The following IKZF1 variants were observed in gnomAD, a reference collection of about 807,000 sequenced individuals.
IKZF1 encodes the protein IKAROS family zinc finger 1.
Under a neutral mutation model 51.7 loss-of-function variants are expected in IKZF1, and 10 were observed. That is an observed-to-expected ratio of 0.19 (90% CI 0.12 to 0.33). The LOEUF (loss-of-function observed/expected upper bound fraction) is 0.33, where lower values mean the gene tolerates loss of function less well. IKZF1 is among the 10% of genes least tolerant of loss of function. The pLI is 1.00. For synonymous variants in IKZF1, 280 were observed against 282.3 expected (o/e 0.99, Z 0.08); for missense variants, 484 against 707.5 (o/e 0.68, Z 3.58).
chr7:50,361,557 T>G lies in IKZF1; in HGVS notation c.161-14976T>G, dbSNP rs905405731. Among the ~76,000 whole-genome samples, 7 of 152,258 alleles carry G rather than the reference T, an allele frequency of 4.6e-5. 1 individual carries two copies. In the South Asian group the frequency reaches 1.2e-3, roughly 27 times the overall value. ...CTCCAACCTCAGGATCCAGGAAGAT[T>G]GCACATGGCACCAAAACAATCATTT... On this transcript the variant is annotated intron_variant, in intron 3 of 7. Transcript: ENST00000331340.
At chr7:50,340,344 G>A (rs1437694563) in intron 3 of IKZF1, among the ~76,000 whole-genome samples, 1 of 152,252 alleles carries the variant, frequency 6.6e-6, no homozygotes, top group Non-Finnish European at 1.5e-5. Flanking sequence ...CCCCACAGGG[G>A]ATGTGGCTGC....
intron 3 of IKZF1, among the ~76,000 whole-genome samples, chr7:50,339,215 TTGTGTGTGTGTG>T (rs1158908841): frequency 2.1e-4 from 27 of 126,478 alleles, no homozygotes; most frequent in African/African-American, 5.2e-4. Context: ...TTGGGTAGGG[TTGTGTGTGTGTG>T]TGTGTGTGTG....
intron 1 of IKZF1, among the ~76,000 whole-genome samples, chr7:50,310,540 T>A (rs1430336256): frequency 6.6e-6 from 1 of 152,164 alleles, no homozygotes. Flanking sequence ...GAAGAGATCA[T>A]AGGCCACAAA....
At chr7:50,385,701 A>G (rs897933135) in intron 5 of IKZF1, among the ~76,000 whole-genome samples, 3 of 152,256 alleles carry the variant, frequency 2.0e-5, no homozygotes, top group African/African-American at 4.8e-5. Flanking sequence ...ACAGGAAGCT[A>G]TTTGATCATG....
chr7:50,357,305 C>T (rs1351779475), intron 3 of IKZF1, among the ~76,000 whole-genome samples: 1 of 152,096 alleles, frequency 6.6e-6, no homozygotes, highest in Non-Finnish European at 1.5e-5. Flanking sequence ...GCATCCTGGG[C>T]ATGACTGTCC....
chr7:50,354,473 G>GC (rs1443015155), intron 3 of IKZF1, among the ~76,000 whole-genome samples: 1 of 152,192 alleles, frequency 6.6e-6, no homozygotes, highest in Non-Finnish European at 1.5e-5. Flanking sequence ...GGCTCTGGGT[G>GC]CCCCCGTTAT....
chr7:50,357,152 T>C (rs564032519), intron 3 of IKZF1, among the ~76,000 whole-genome samples: 1 of 152,032 alleles, frequency 6.6e-6, no homozygotes, highest in South Asian at 2.1e-4. Context: ...ACCGACTCCT[T>C]CTTCTAGGCA....
chr7:50,311,167 T>A (rs1790073402), intron 1 of IKZF1, among the ~76,000 whole-genome samples: 1 of 152,212 alleles, frequency 6.6e-6, no homozygotes, highest in Non-Finnish European at 1.5e-5. Flanking sequence ...CCTACCTTAG[T>A]TTGAAGACAC....
chr7:50,365,437 C>T lies in IKZF1; in HGVS notation c.161-11096C>T, dbSNP rs539081853. Among the ~76,000 whole-genome samples, 3 of 152,262 alleles carry T rather than the reference C, an allele frequency of 2.0e-5. No individual in the cohort carries two copies. The East Asian group carries it at 5.8e-4, about 29-fold the overall frequency. On this transcript the variant is annotated intron_variant, in intron 3 of 7. Coordinates refer to ENST00000331340, the MANE Select transcript of IKZF1 (RefSeq NM_006060.6). ...AATCAACAAGTAAATTTGAATTACA[C>T]TAGGCAAAGGACTGATTCTTTTGAA...
At chr7:50,378,085 G>T (rs1810822762) in intron 4 of IKZF1, among the ~76,000 whole-genome samples, 1 of 152,164 alleles carries the variant, frequency 6.6e-6, no homozygotes, top group Non-Finnish European at 1.5e-5. Flanking sequence ...AGAAAATTTT[G>T]TGAGCCAAAA....
At chr7:50,356,230 G>A (rs1803333262) in intron 3 of IKZF1, among the ~76,000 whole-genome samples, 2 of 152,292 alleles carry the variant, frequency 1.3e-5, no homozygotes, top group African/African-American at 4.8e-5. Context: ...TTTTAACTCT[G>A]GCTTTTTAAA....
At chr7:50,391,181 G>T (rs151236047) in intron 6 of IKZF1, among the ~76,000 whole-genome samples, 6 of 152,278 alleles carry the variant, frequency 3.9e-5, no homozygotes, top group Non-Finnish European at 8.8e-5. Flanking sequence ...GCAGTCAGGG[G>T]TGCTTTGATT....
At chr7:50,316,786 C>T (rs939646299) in intron 1 of IKZF1, among the ~76,000 whole-genome samples, 5 of 152,220 alleles carry the variant, frequency 3.3e-5, no homozygotes, top group African/African-American at 1.2e-4. Flanking sequence ...AGGCTCAGCC[C>T]GCATTCCACT....
At chr7:50,371,728 C>T (rs1345193529) in intron 3 of IKZF1, among the ~76,000 whole-genome samples, 2 of 152,242 alleles carry the variant, frequency 1.3e-5, no homozygotes, top group Admixed American at 6.5e-5. Context: ...GTGCCACCAA[C>T]CTTGCTCGCA....
Position 50,401,697 on chromosome 7 carries a change from G to A in IKZF1, c.*1070G>A, listed in dbSNP as rs1345024694. ...TGTAGCCACAAGCCTGAATTTCTCA[G>A]TGTTGGTAAGTTTCTTTACCTACCC... On this transcript the variant is annotated 3_prime_UTR_variant, in exon 8 of 8. Transcript: ENST00000331340. The A allele has an allele frequency of 9.2e-6, 2 of 218,382 alleles. No individual in the cohort carries two copies. Among genetic ancestry groups the A allele is most frequent in the South Asian group, 1.8e-4 (1 of 5,406 alleles). 13.5% of individuals were successfully genotyped at this position (218,382 alleles called of 1,614,324 possible).
chr7:50,348,834 C>A (rs1489363668), intron 3 of IKZF1, among the ~76,000 whole-genome samples: 4 of 152,190 alleles, frequency 2.6e-5, no homozygotes, highest in African/African-American at 9.7e-5. Flanking sequence ...GGAGAGTTGT[C>A]CTTCAACAAA....
chr7:50,399,814 G>T lies in IKZF1; in HGVS notation c.851-104G>T, dbSNP rs1817662513. 3.4e-6 allele frequency: 5 copies of T among 1,484,356 alleles called. No individual in the cohort carries two copies. The South Asian group carries it at 6.7e-5, about 20-fold the overall frequency. 91.9% of individuals were successfully genotyped at this position (1,484,356 alleles called of 1,614,324 possible). On this transcript the variant is annotated intron_variant, in intron 7 of 7. Transcript: ENST00000331340. ...CGCAGGCGTGCTGGGCCCCCAGGCC[G>T]TGTTCCCCTTCCCCTCCCCGGTTGT...
chr7:50,383,105 C>T (rs1474335174), intron 5 of IKZF1, among the ~76,000 whole-genome samples: 4 of 152,322 alleles, frequency 2.6e-5, no homozygotes, highest in African/African-American at 7.2e-5. Flanking sequence ...TGTTAAGTCC[C>T]GCTTTGGAGT....
chr7:50,356,909 G>A (rs904665546), intron 3 of IKZF1, among the ~76,000 whole-genome samples: 2 of 151,848 alleles, frequency 1.3e-5, no homozygotes, highest in African/African-American at 4.8e-5. Flanking sequence ...GGAAGATCAC[G>A]GGGTGGCAGA....
Sources: gnomAD v4.1 joint callset for allele counts (sites outside exome capture counted in the v4.1 genomes callset) on GRCh38, gnomAD v4.1.1 for gene constraint, MANE v1.5 for transcripts, NCBI Gene and HGNC (gene_info 2026-07-23, HGNC 2026-07-21) for gene names.